OSBPL1A: variants seen among roughly 807,000 people sequenced by gnomAD.
OSBPL1A encodes oxysterol-binding protein-related protein 1.
OSBPL1A carries 80 observed loss-of-function variants against 137.1 expected under a neutral mutation model. That is an observed-to-expected ratio of 0.58 (90% CI 0.49 to 0.70). The LOEUF (loss-of-function observed/expected upper bound fraction) is 0.70, where lower values mean the gene tolerates loss of function less well. OSBPL1A is among the 30% of genes least tolerant of loss of function. The pLI, the probability that OSBPL1A is intolerant of heterozygous loss-of-function variation, is 0.00. For synonymous variants in OSBPL1A, 365 were observed against 389.7 expected (o/e 0.94, Z 0.75); for missense variants, 970 against 1,129.4 (o/e 0.86, Z 2.02).
At chr18:24,224,680 T>C (rs1396084727) in intron 17 of OSBPL1A, among the ~76,000 whole-genome samples, 1 of 152,182 alleles carries the variant, frequency 6.6e-6, no homozygotes, top group African/African-American at 2.4e-5. Context: ...GAAGATCAAA[T>C]GGCCAGAAAC....
intron 7 of OSBPL1A, among the ~76,000 whole-genome samples, chr18:24,321,457 T>C (rs1426841646): frequency 6.6e-6 from 1 of 152,196 alleles, no homozygotes; most frequent in Admixed American, 6.5e-5. Flanking sequence ...TCATCACACC[T>C]GGCTAATTTT....
At chr18:24,164,420 G>GTTTTTTTT (rs35343209) in intron 27 of OSBPL1A, among the ~76,000 whole-genome samples, 2 of 95,970 alleles carry the variant, frequency 2.1e-5, no homozygotes, top group East Asian at 3.5e-4. Context: ...GAGATTTTTG[G>GTTTTTTTT]TTTTTTTTTT....
At chr18:24,325,154 A>G (rs187377184) in intron 7 of OSBPL1A, among the ~76,000 whole-genome samples, 1 of 152,286 alleles carries the variant, frequency 6.6e-6, no homozygotes, top group East Asian at 1.9e-4. Flanking sequence ...TGACAAAATA[A>G]TGGAAAAGGA....
chr18:24,302,226 T>G (rs1052319647), intron 14 of OSBPL1A, among the ~76,000 whole-genome samples: 5 of 105,030 alleles, frequency 4.8e-5, no homozygotes, highest in African/African-American at 1.3e-4. Context: ...AGAACAAGAC[T>G]CCATCTCAAG....
intron 4 of OSBPL1A, chr18:24,366,598 ATT>A (rs74271368): frequency 9.2e-5 from 22 of 240,174 alleles, no homozygotes; most frequent in African/African-American, 3.4e-4. Flanking sequence ...CAATGAAGCT[ATT>A]TTTTTTTTAA....
intron 21 of OSBPL1A, among the ~76,000 whole-genome samples, chr18:24,173,491 C>T (rs1037727812): frequency 3.3e-5 from 5 of 152,218 alleles, no homozygotes; most frequent in Admixed American, 1.3e-4. Flanking sequence ...CGGCTCATTG[C>T]AACCTTCACC....
chr18:24,211,303 C>A (rs1389376718), intron 17 of OSBPL1A, among the ~76,000 whole-genome samples: 3 of 152,068 alleles, frequency 2.0e-5, no homozygotes, highest in African/African-American at 7.2e-5. Flanking sequence ...ACTGTATTTT[C>A]CAAAACAAAA....
chr18:24,359,763 C>T (rs2091594675), intron 4 of OSBPL1A, among the ~76,000 whole-genome samples: 1 of 152,102 alleles, frequency 6.6e-6, no homozygotes, highest in East Asian at 1.9e-4. Context: ...ATTCATTATA[C>T]ATACCATATT....
rs1599438291 is a variant in OSBPL1A, at chr18:24,176,385, T to G, written c.2093+1628A>C. The stretch of plus-strand genomic sequence containing the variant: ...TTCAACATACACATCCTTTACATAT[T>G]TTGACATTTGCATTCTGCCATTGAG... On this transcript the variant is annotated intron_variant, in intron 21 of 27. Coordinates refer to ENST00000319481, the MANE Select transcript of OSBPL1A (RefSeq NM_080597.4). Among the ~76,000 whole-genome samples the G allele has an allele frequency of 2.0e-5, 3 of 152,344 alleles. No homozygotes were observed. The East Asian group carries it at 5.8e-4, about 29-fold the overall frequency.
intron 15 of OSBPL1A, among the ~76,000 whole-genome samples, chr18:24,245,440 T>G (rs1282039920): frequency 6.6e-6 from 1 of 152,120 alleles, no homozygotes; most frequent in Non-Finnish European, 1.5e-5. Flanking sequence ...CTTCAAAACT[T>G]TTTTCACGGT....
chr18:24,265,046 A>G (rs1278221026), intron 15 of OSBPL1A, among the ~76,000 whole-genome samples: 2 of 152,356 alleles, frequency 1.3e-5, no homozygotes, highest in Middle Eastern at 3.4e-3. Context: ...TCCACTGCCA[A>G]TAAAACCTCT....
intron 1 of OSBPL1A, among the ~76,000 whole-genome samples, chr18:24,386,681 C>T (rs1460689767): frequency 1.3e-5 from 2 of 152,210 alleles, no homozygotes; most frequent in South Asian, 2.1e-4. Context: ...AAGTACAGGC[C>T]GGGCATGGTG....
At chr18:24,272,029 G>A (rs1350168827) in intron 15 of OSBPL1A, 11 of 981,744 alleles carry the variant, frequency 1.1e-5, no homozygotes, top group Non-Finnish European at 1.3e-5. Flanking sequence ...TGCGCGCGGC[G>A]GGCAGCGTCC....
chr18:24,316,814 C>A (rs2090744023), intron 11 of OSBPL1A, among the ~76,000 whole-genome samples: 1 of 152,124 alleles, frequency 6.6e-6, no homozygotes, highest in Non-Finnish European at 1.5e-5. Context: ...AAACAACCAA[C>A]AATAATAGCA....
intron 15 of OSBPL1A, among the ~76,000 whole-genome samples, chr18:24,264,358 G>C (rs1472804763): frequency 6.6e-6 from 1 of 152,122 alleles, no homozygotes; most frequent in Non-Finnish European, 1.5e-5. Flanking sequence ...GAGTATTAGA[G>C]GGCAAAATAA....
intron 7 of OSBPL1A, among the ~76,000 whole-genome samples, chr18:24,327,561 C>A (rs957851128): frequency 1.3e-5 from 2 of 152,154 alleles, no homozygotes; most frequent in African/African-American, 2.4e-5. Flanking sequence ...AGGCACCTGC[C>A]ACCACACCCG....
rs1048536637 is a variant in OSBPL1A, at chr18:24,281,043, C to T, written c.1175-95G>A. On this transcript the variant is annotated intron_variant, in intron 14 of 27. Transcript: ENST00000319481. ...ATACTCTCATATCTATTAACCTCAT[C>T]TTTCCATCTAGCTATCTTAAGCAAA... is the stretch of plus-strand genomic sequence containing the variant. 2.9e-5 allele frequency: 20 copies of T among 698,564 alleles called. No individual in the cohort carries two copies. The Admixed American group carries it at 4.2e-4, about 15-fold the overall frequency. The allele number at this position is 698,564 out of a possible 1,614,324, so 43.3% of individuals were successfully genotyped here.
chr18:24,330,485 C>CTTT (rs543591621), intron 7 of OSBPL1A, among the ~76,000 whole-genome samples: 3 of 142,676 alleles, frequency 2.1e-5, no homozygotes, highest in African/African-American at 7.6e-5. Context: ...AGAGATAAAA[C>CTTT]TTTTTTTTTT....
chr18:24,166,501 A>G, intron 26 of OSBPL1A, 78 bp downstream of exon 26: 1 of 1,506,628 alleles, frequency 6.6e-7, no homozygotes, highest in Admixed American at 2.4e-5. Context: ...CAATGATGCT[A>G]ACAATCACCA....
Sources: gnomAD v4.1 joint callset for allele counts (sites outside exome capture counted in the v4.1 genomes callset) on GRCh38, gnomAD v4.1.1 for gene constraint, MANE v1.5 for transcripts, NCBI Gene and HGNC (gene_info 2026-07-23, HGNC 2026-07-21) for gene names.